FUT9: variants seen among roughly 807,000 people sequenced by gnomAD.
FUT9 encodes the protein 4-galactosyl-N-acetylglucosaminide 3-alpha-L-fucosyltransferase 9.
FUT9 carries 15 observed loss-of-function variants against 29.7 expected under a neutral mutation model. That is an observed-to-expected ratio of 0.51 (90% CI 0.34 to 0.78). The LOEUF (loss-of-function observed/expected upper bound fraction) is 0.78, where lower values mean the gene tolerates loss of function less well. FUT9 is among the 30% of genes least tolerant of loss of function. The pLI is 0.01. For synonymous variants in FUT9, 169 were observed against 153.7 expected (o/e 1.10, Z -0.74); for missense variants, 319 against 425.4 (o/e 0.75, Z 2.20).
At chr6:96,156,985 T>C (rs956302833) in intron 2 of FUT9, among the ~76,000 whole-genome samples, 3 of 152,188 alleles carry the variant, frequency 2.0e-5, no homozygotes, top group African/African-American at 7.2e-5. Context: ...CTTTTTCCCC[T>C]CCATTCCTAT....
At chr6:96,131,840 CAT>C (rs1772250797) in intron 2 of FUT9, among the ~76,000 whole-genome samples, 1 of 152,032 alleles carries the variant, frequency 6.6e-6, no homozygotes, top group Non-Finnish European at 1.5e-5. Context: ...ATTTCTCTAA[CAT>C]GTGGAGAGGA....
At chr6:96,060,470 G>A (rs1262978960) in intron 1 of FUT9, among the ~76,000 whole-genome samples, 1 of 151,576 alleles carries the variant, frequency 6.6e-6, no homozygotes, top group Non-Finnish European at 1.5e-5. Flanking sequence ...AACCATTTAA[G>A]TAAATTTTTA....
chr6:96,056,984 T>C (rs1036304801), intron 1 of FUT9, among the ~76,000 whole-genome samples: 3 of 152,210 alleles, frequency 2.0e-5, no homozygotes, highest in Non-Finnish European at 4.4e-5. Context: ...TTACATGAGA[T>C]ATCCAATACT....
chr6:96,078,757 A>G (rs1417537936), intron 1 of FUT9, among the ~76,000 whole-genome samples: 1 of 152,084 alleles, frequency 6.6e-6, no homozygotes, highest in African/African-American at 2.4e-5. Flanking sequence ...ATGATCGTTA[A>G]TTAGGCATTC....
chr6:96,047,690 A>C (rs1202600981), intron 1 of FUT9, among the ~76,000 whole-genome samples: 1 of 152,198 alleles, frequency 6.6e-6, no homozygotes, highest in East Asian at 1.9e-4. Context: ...CACCACTATA[A>C]GAATAAAACA....
intron 2 of FUT9, among the ~76,000 whole-genome samples, chr6:96,170,237 G>A (rs907201509): frequency 6.6e-6 from 1 of 152,070 alleles, no homozygotes; most frequent in Non-Finnish European, 1.5e-5. Flanking sequence ...ATATCATGAG[G>A]TTGCTAAGTA....
chr6:96,130,672 C>T (rs1030078828), intron 2 of FUT9, among the ~76,000 whole-genome samples: 7 of 152,134 alleles, frequency 4.6e-5, no homozygotes, highest in African/African-American at 1.7e-4. Context: ...TCTTTTTCCT[C>T]CTTCAAGATA....
intron 1 of FUT9, among the ~76,000 whole-genome samples, chr6:96,077,489 A>T (rs1771158447): frequency 6.6e-6 from 1 of 152,086 alleles, no homozygotes; most frequent in South Asian, 2.1e-4. Flanking sequence ...TGTAATTTTT[A>T]AAAACTCAAA....
At chr6:96,052,218 T>G (rs550471694) in intron 1 of FUT9, among the ~76,000 whole-genome samples, 1 of 152,236 alleles carries the variant, frequency 6.6e-6, no homozygotes, top group East Asian at 1.9e-4. Context: ...GAGCAGCATG[T>G]GGGTAACTGC....
intron 2 of FUT9, among the ~76,000 whole-genome samples, chr6:96,198,606 G>T (rs971763883): frequency 6.6e-6 from 1 of 152,176 alleles, no homozygotes; most frequent in African/African-American, 2.4e-5. Flanking sequence ...ATAGCAGCAT[G>T]ATTTACAGTC....
At chr6:96,067,731 G>A (rs565290894) in intron 1 of FUT9, among the ~76,000 whole-genome samples, 1 of 152,062 alleles carries the variant, frequency 6.6e-6, no homozygotes, top group African/African-American at 2.4e-5. Context: ...TTGTGGTTGT[G>A]TTTCTTTTTT....
intron 2 of FUT9, among the ~76,000 whole-genome samples, chr6:96,175,658 A>C (rs1195667488): frequency 6.6e-6 from 1 of 152,216 alleles, no homozygotes; most frequent in Non-Finnish European, 1.5e-5. Context: ...ATTATGAAAA[A>C]ATAAGTAAAT....
chr6:96,190,310 C>T (rs1699320183), intron 2 of FUT9, among the ~76,000 whole-genome samples: 1 of 152,108 alleles, frequency 6.6e-6, no homozygotes, highest in South Asian at 2.1e-4. Flanking sequence ...TTGTGGGTAA[C>T]CCGACCTTTC....
chr6:96,180,020 C>T (rs1329765678), intron 2 of FUT9, among the ~76,000 whole-genome samples: 1 of 151,984 alleles, frequency 6.6e-6, no homozygotes, highest in Non-Finnish European at 1.5e-5. Flanking sequence ...ACCTATTGCT[C>T]GATGGTTAAG....
intron 2 of FUT9, among the ~76,000 whole-genome samples, chr6:96,143,841 G>T (rs1373059115): frequency 1.3e-5 from 2 of 152,180 alleles, no homozygotes; most frequent in African/African-American, 4.8e-5. Flanking sequence ...ATATAACAGA[G>T]GATAGAGAAA....
chr6:96,096,985 A>C (rs1300174905), intron 1 of FUT9, among the ~76,000 whole-genome samples: 4 of 152,166 alleles, frequency 2.6e-5, no homozygotes, highest in Admixed American at 2.6e-4. Context: ...CTTAAGCAAC[A>C]GTCATAGAAT....
intron 2 of FUT9, among the ~76,000 whole-genome samples, chr6:96,150,058 T>A (rs1437167365): frequency 6.6e-6 from 1 of 152,172 alleles, no homozygotes; most frequent in African/African-American, 2.4e-5. Flanking sequence ...GTAATAATTA[T>A]ACTTCTAGAG....
At chr6:96,035,465 T>C (rs1449645751) in intron 1 of FUT9, among the ~76,000 whole-genome samples, 1 of 151,072 alleles carries the variant, frequency 6.6e-6, no homozygotes, top group East Asian at 1.9e-4. Context: ...TTATATCTTA[T>C]TCAATTTCCT....
At chr6:96,138,350 A>G (rs1444412038) in intron 2 of FUT9, among the ~76,000 whole-genome samples, 1 of 152,146 alleles carries the variant, frequency 6.6e-6, no homozygotes, top group African/African-American at 2.4e-5. Context: ...TCTTTTATGC[A>G]CTTCTATTTT....
Sources: gnomAD v4.1 joint callset for allele counts (sites outside exome capture counted in the v4.1 genomes callset) on GRCh38, gnomAD v4.1.1 for gene constraint, MANE v1.5 for transcripts, NCBI Gene and HGNC (gene_info 2026-07-23, HGNC 2026-07-21) for gene names.